Variants in OPRK1 observed in about 807,000 individuals in gnomAD.
OPRK1 encodes kappa-type opioid receptor.
In OPRK1, 15 loss-of-function variants were observed where a neutral mutation model predicts 24.5. The ratio of observed to expected loss-of-function variants is 0.61; its 90% CI spans 0.41 to 0.94. OPRK1 has a LOEUF of 0.94. Ranked by LOEUF, OPRK1 falls within the 40% of genes least tolerant of loss-of-function variation. The pLI is 0.00. For synonymous variants in OPRK1, 205 were observed against 198.0 expected (o/e 1.04, Z -0.30); for missense variants, 479 against 507.3 (o/e 0.94, Z 0.54).
chr8:53,228,845 T>A lies in OPRK1; in HGVS notation c.*452A>T. On this transcript the variant is annotated 3_prime_UTR_variant, in exon 4 of 4. Transcript: ENST00000265572. ...AGCTGGGCATGAACCCTGGAAATAG[T>A]TCCCATTCCGTTGGAGGTTGTTGCT... The A allele has an allele frequency of 6.2e-6, 1 of 161,108 alleles. No individual in the cohort carries two copies. Among genetic ancestry groups the A allele is most frequent in the Admixed American group, 5.9e-5 (1 of 16,994 alleles). 10.0% of individuals were successfully genotyped at this position (161,108 alleles called of 1,614,324 possible).
rs1353704934 is a variant in OPRK1 at position 53,226,138 on chromosome 8, T to C, written c.*3159A>G. On this transcript the variant is annotated 3_prime_UTR_variant, in exon 4 of 4. Coordinates refer to ENST00000265572, the MANE Select transcript of OPRK1 (RefSeq NM_000912.5). ...CACGTTTAAGAACTGTATTTCTTAG[T>C]AATATATCACAGAATAGAACCATTT... The C allele has an allele frequency of 6.6e-6, 1 of 152,222 alleles. No homozygotes were observed. Among genetic ancestry groups the C allele is most frequent in the African/African-American group, 2.4e-5 (1 of 41,458 alleles). 9.4% of individuals were successfully genotyped at this position (152,222 alleles called of 1,614,324 possible).
chr8:53,244,873 C>T (rs1807193334), intron 2 of OPRK1, among the ~76,000 whole-genome samples: 1 of 152,136 alleles, frequency 6.6e-6, no homozygotes, highest in South Asian at 2.1e-4. Flanking sequence ...TACGGTCCTG[C>T]CTTGGTATCC....
chr8:53,245,875 A>C (rs1211808349), intron 2 of OPRK1, among the ~76,000 whole-genome samples: 1 of 152,188 alleles, frequency 6.6e-6, no homozygotes, highest in Non-Finnish European at 1.5e-5. Flanking sequence ...ATCAGTGGGA[A>C]CCTTAAAAGC....
rs114824952 is a variant in OPRK1, at chr8:53,247,704, C to A, written c.257+3077G>T. Reference sequence around the variant, plus strand: ...AAGTCAGGAACCACAGGATTAGAATCATGATGGTCAGCCAAGTGTAGTGGC... The same window carrying A: ...AAGTCAGGAACCACAGGATTAGAATAATGATGGTCAGCCAAGTGTAGTGGC... On this transcript the variant is annotated intron_variant, in intron 2 of 3. Transcript: ENST00000265572. Among the ~76,000 whole-genome samples, 781 of 151,950 alleles carry A rather than the reference C, an allele frequency of 5.1e-3. 6 individuals are homozygous for A. Among genetic ancestry groups the A allele is most frequent in the African/African-American group, 0.018 (736 of 41,428 alleles).
At chr8:53,242,501 C>G (rs975314197) in intron 2 of OPRK1, 1 of 161,398 alleles carries the variant, frequency 6.2e-6, no homozygotes, top group Non-Finnish European at 1.4e-5. Context: ...CTAACTCCAG[C>G]CATTCTTTTT....
At chr8:53,233,271 T>G (rs2128808266) in intron 3 of OPRK1, among the ~76,000 whole-genome samples, 1 of 152,252 alleles carries the variant, frequency 6.6e-6, no homozygotes, top group African/African-American at 2.4e-5. Context: ...GACGTGTCAG[T>G]GTGGGTTCAG....
chr8:53,234,645 C>T lies in OPRK1; in HGVS notation c.610+114G>A, dbSNP rs963788227. The stretch of plus-strand genomic sequence containing the variant: ...TCCATGGATTTAGGCACTACATTTC[C>T]GTCGTCTTTTGGCATCGATTTCCAC... On this transcript the variant is annotated intron_variant, in intron 3 of 3. Transcript: ENST00000265572. 2.2e-5 allele frequency: 19 copies of T among 873,220 alleles called. No individual in the cohort carries two copies. The East Asian group carries it at 2.7e-4, about 13-fold the overall frequency. The allele number at this position is 873,220 out of a possible 1,614,324, so 54.1% of individuals were successfully genotyped here.
intron 2 of OPRK1, chr8:53,238,397 A>C (rs1807042642): frequency 3.4e-6 from 1 of 294,520 alleles, no homozygotes; most frequent in Admixed American, 6.5e-5. Flanking sequence ...GCAGGAGCAT[A>C]TGGTATGAAA....
chr8:53,242,546 G>C (rs1224767551), intron 2 of OPRK1: 2 of 162,110 alleles, frequency 1.2e-5, no homozygotes, highest in Admixed American at 1.1e-4. Flanking sequence ...TGGCTCTGTC[G>C]CCCAGGCTGG....
intron 2 of OPRK1, among the ~76,000 whole-genome samples, chr8:53,243,742 G>A (rs1442051495): frequency 1.3e-5 from 2 of 152,170 alleles, no homozygotes; most frequent in Non-Finnish European, 2.9e-5. Context: ...AATTTCTGAA[G>A]TTATTTTTGC....
chr8:53,235,800 C>T (rs774116952), intron 2 of OPRK1, among the ~76,000 whole-genome samples: 2 of 152,140 alleles, frequency 1.3e-5, no homozygotes, highest in South Asian at 2.1e-4. Flanking sequence ...TTTCTAAGCA[C>T]GTAATATGTC....
At chr8:53,242,939 G>T (rs1378608270) in intron 2 of OPRK1, 143 of 1,287,450 alleles carry the variant, frequency 1.1e-4, no homozygotes, top group Non-Finnish European at 1.3e-4. Context: ...GAAGGCAAGT[G>T]TTAAGCCATT....
At chr8:53,230,430 G>A (rs966293064) in intron 3 of OPRK1, among the ~76,000 whole-genome samples, 3 of 152,098 alleles carry the variant, frequency 2.0e-5, no homozygotes, top group Admixed American at 1.3e-4. Flanking sequence ...GTGATTAAGG[G>A]CATTACTGAA....
chr8:53,238,427 G>T, intron 2 of OPRK1: 1 of 575,968 alleles, frequency 1.7e-6, no homozygotes, highest in Non-Finnish European at 2.2e-6. Flanking sequence ...TCCGTGGGCT[G>T]TCCTCGCTAA....
chr8:53,234,652 T>C, intron 3 of OPRK1, 107 bp downstream of exon 3: 3 of 987,574 alleles, frequency 3.0e-6, no homozygotes, highest in African/African-American at 3.2e-5. Context: ...TTCCGTCGTC[T>C]TTTGGCATCG....
At chr8:53,240,529 G>A (rs1462784376) in intron 2 of OPRK1, among the ~76,000 whole-genome samples, 1 of 152,082 alleles carries the variant, frequency 6.6e-6, no homozygotes, top group African/African-American at 2.4e-5. Flanking sequence ...GCAGCAGCAG[G>A]GAAAATGCAG....
chr8:53,250,988 GCGCAGGTAGGGCCCGGCTCCC>G lies in OPRK1; in HGVS notation c.29_49del (p.Gly10_Cys16del), dbSNP rs751554007. 2.5e-6 allele frequency: 4 copies of G among 1,592,956 alleles called. No individual in the cohort carries two copies. The highest frequency in any genetic ancestry group is 3.5e-5 in the Admixed American group (2 of 57,398). On this transcript the variant is annotated inframe_deletion, in exon 2 of 4. Transcript: ENST00000265572. Reference sequence around the variant, plus strand: ...GTTGGGGGGCAGGCAGGCGCTCGGGGCGCAGGTAGGGCCCGGCTCCCCGCGGAAGATCTGGATCGGGGAGTC... The same window carrying G: ...GTTGGGGGGCAGGCAGGCGCTCGGGGCGCGGAAGATCTGGATCGGGGAGTC...
At chr8:53,238,574 G>C (rs1807048477) in intron 2 of OPRK1, 48 of 985,576 alleles carry the variant, frequency 4.9e-5, no homozygotes, top group Non-Finnish European at 5.7e-5. Flanking sequence ...CAACAGGGCG[G>C]AGGGTGTTCC....
intron 2 of OPRK1, among the ~76,000 whole-genome samples, chr8:53,250,530 G>A (rs996963546): frequency 6.6e-6 from 1 of 152,136 alleles, no homozygotes; most frequent in African/African-American, 2.4e-5. Context: ...GGGTCGGGGG[G>A]TTACTCTGAA....
Sources: gnomAD v4.1 joint callset for allele counts (sites outside exome capture counted in the v4.1 genomes callset) on GRCh38, gnomAD v4.1.1 for gene constraint, MANE v1.5 for transcripts, NCBI Gene and HGNC (gene_info 2026-07-23, HGNC 2026-07-21) for gene names.